Variants in FHIT observed in about 807,000 individuals in gnomAD.
FHIT encodes fragile histidine triad diadenosine triphosphatase.
FHIT carries 19 observed loss-of-function variants against 17.9 expected under a neutral mutation model. The observed-to-expected ratio is 1.06, with a 90% CI of 0.74 to 1.56. The LOEUF is 1.56. Among genes scored for constraint, FHIT ranks in the 40% most tolerant of loss-of-function variants. The probability of loss-of-function intolerance (pLI) is 0.00; values close to 1 mark genes in which losing one functional copy is unlikely to be tolerated. For missense variants in FHIT, 248 were observed against 189.2 expected (o/e 1.31, Z -1.82); for synonymous variants, 81 against 69.7 (o/e 1.16, Z -0.81).
At chr3:60,272,866 C>T (rs1348979341) in intron 5 of FHIT, among the ~76,000 whole-genome samples, 1 of 152,172 alleles carries the variant, frequency 6.6e-6, no homozygotes, top group African/African-American at 2.4e-5. Context: ...GCATCCACTA[C>T]TAACAAAAGC....
rs374248356 is a variant in FHIT, at chr3:60,027,846, G to C, written c.104-13694C>G. ...ACTGCCTATAGAGCAGTGCTGTCTA[G>C]TGGAACTTTCTATATCCTATACTGT... is the stretch of plus-strand genomic sequence containing the variant. On this transcript the variant is annotated intron_variant, in intron 5 of 9. Transcript: ENST00000492590. 5.3e-5 allele frequency among the ~76,000 whole-genome samples: 8 copies of C among 152,154 alleles called. No homozygotes were observed. The South Asian group carries it at 1.7e-3, about 32-fold the overall frequency.
intron 5 of FHIT, among the ~76,000 whole-genome samples, chr3:60,502,003 C>T (rs568871374): frequency 6.6e-6 from 1 of 152,100 alleles, no homozygotes; most frequent in Non-Finnish European, 1.5e-5. Flanking sequence ...ACTGAGAGAC[C>T]GACGAGTAGA....
intron 4 of FHIT, among the ~76,000 whole-genome samples, chr3:60,682,704 CCAA>C (rs2107865752): frequency 6.6e-6 from 1 of 152,252 alleles, no homozygotes; most frequent in South Asian, 2.1e-4. Flanking sequence ...TTCATGCCTG[CCAA>C]CACAGCATCC....
At chr3:60,168,226 C>T (rs1007392279) in intron 5 of FHIT, among the ~76,000 whole-genome samples, 8 of 152,070 alleles carry the variant, frequency 5.3e-5, no homozygotes, top group African/African-American at 1.4e-4. Flanking sequence ...AACAAGAGAC[C>T]GACAGACTTC....
chr3:59,783,362 G>A lies in FHIT; in HGVS notation c.349-31041C>T, dbSNP rs529100416. On this transcript the variant is annotated intron_variant, in intron 8 of 9. Coordinates refer to ENST00000492590, the MANE Select transcript of FHIT (RefSeq NM_002012.4). ...CGCATGCCTGTAGTCTCAGCTACTC[G>A]GGAGGCTGAGGCAGGAGAATCGCTT... Among the ~76,000 whole-genome samples, 119 of 152,186 alleles carry A rather than the reference G, an allele frequency of 7.8e-4. 3 individuals carry two copies. The South Asian group carries it at 0.022, about 29-fold the overall frequency.
At chr3:59,817,756 T>C (rs1366332298) in intron 8 of FHIT, among the ~76,000 whole-genome samples, 4 of 152,132 alleles carry the variant, frequency 2.6e-5, no homozygotes, top group Non-Finnish European at 4.4e-5. Flanking sequence ...TCACAACAGT[T>C]ATCTCTCCAA....
intron 4 of FHIT, among the ~76,000 whole-genome samples, chr3:60,707,842 A>G (rs1553703926): frequency 6.6e-6 from 1 of 152,244 alleles, no homozygotes; most frequent in East Asian, 1.9e-4. Flanking sequence ...ACAGTCCAGC[A>G]AAATTTATCA....
intron 5 of FHIT, among the ~76,000 whole-genome samples, chr3:60,475,810 A>C (rs1194762432): frequency 1.3e-5 from 2 of 152,164 alleles, no homozygotes; most frequent in African/African-American, 4.8e-5. Context: ...ACCTCATGTG[A>C]TGGGTCATAA....
chr3:60,174,002 C>T (rs1701554601), intron 5 of FHIT, among the ~76,000 whole-genome samples: 1 of 146,536 alleles, frequency 6.8e-6, no homozygotes, highest in Non-Finnish European at 1.5e-5. Context: ...CAACCTCCGC[C>T]TCCTGGGTTC....
intron 5 of FHIT, among the ~76,000 whole-genome samples, chr3:60,355,667 T>C (rs1007389099): frequency 2.0e-5 from 3 of 152,160 alleles, no homozygotes; most frequent in African/African-American, 7.2e-5. Flanking sequence ...TATCTACAAA[T>C]AGAACAAATT....
At chr3:60,717,791 T>G (rs1302670995) in intron 4 of FHIT, among the ~76,000 whole-genome samples, 1 of 152,166 alleles carries the variant, frequency 6.6e-6, no homozygotes, top group African/African-American at 2.4e-5. Flanking sequence ...CATCTGTATT[T>G]TCAAGGAACT....
intron 3 of FHIT, among the ~76,000 whole-genome samples, chr3:61,017,016 G>C (rs2032149421): frequency 6.6e-6 from 1 of 151,376 alleles, no homozygotes; most frequent in Non-Finnish European, 1.5e-5. Context: ...GCTGGGCCTG[G>C]TGGCTCACAC....
rs1705261038 is a variant in FHIT, at chr3:60,121,709, A to AACAAAACAAAAACAC, written c.104-107558_104-107557insGTGTTTTTGTTTTGT. Reference sequence around the variant, plus strand: ...AAAAAACAAACAAACAAACAAAACAAACACACACACACACACACACACACA... The same window carrying AACAAAACAAAAACAC: ...AAAAAACAAACAAACAAACAAAACAAACAAAACAAAAACACACACACACACACACACACACACACA... On this transcript the variant is annotated intron_variant, in intron 5 of 9. Coordinates refer to ENST00000492590, the MANE Select transcript of FHIT (RefSeq NM_002012.4). 5.7e-4 allele frequency among the ~76,000 whole-genome samples: 66 copies of AACAAAACAAAAACAC among 116,408 alleles called. 1 individual carries two copies. Among genetic ancestry groups the AACAAAACAAAAACAC allele is most frequent in the African/African-American group, 2.1e-3 (62 of 29,782 alleles). The allele number at this position is 116,408 out of a possible 152,430, so 76.4% of individuals were successfully genotyped here.
At chr3:60,934,709 C>T (rs1708112641) in intron 3 of FHIT, among the ~76,000 whole-genome samples, 1 of 152,150 alleles carries the variant, frequency 6.6e-6, no homozygotes, top group South Asian at 2.1e-4. Flanking sequence ...ATGGGTTGAA[C>T]CCAGACTGTC....
At chr3:60,583,653 G>A (rs185935730) in intron 4 of FHIT, among the ~76,000 whole-genome samples, 9 of 152,060 alleles carry the variant, frequency 5.9e-5, no homozygotes, top group Admixed American at 2.6e-4. Flanking sequence ...TTTAGCTTAT[G>A]AGCCACATAA....
intron 5 of FHIT, among the ~76,000 whole-genome samples, chr3:60,246,269 G>T (rs143865886): frequency 2.6e-5 from 4 of 152,176 alleles, no homozygotes; most frequent in South Asian, 2.1e-4. Context: ...AATATATATA[G>T]AGAGTTATCT....
intron 5 of FHIT, among the ~76,000 whole-genome samples, chr3:60,336,887 A>C (rs999681644): frequency 4.8e-5 from 7 of 146,480 alleles, no homozygotes; most frequent in African/African-American, 1.5e-4. Flanking sequence ...CATTATGTCA[A>C]AGTAAGCAAA....
At chr3:60,571,369 A>T (rs2859794) in intron 4 of FHIT, among the ~76,000 whole-genome samples, 2 of 119,900 alleles carry the variant, frequency 1.7e-5, no homozygotes, top group Non-Finnish European at 3.4e-5. Context: ...AAAAAGAACA[A>T]TGAATGACGT....
At chr3:61,200,230 T>C (rs997145572) in intron 2 of FHIT, among the ~76,000 whole-genome samples, 1 of 152,206 alleles carries the variant, frequency 6.6e-6, no homozygotes, top group African/African-American at 2.4e-5. Context: ...CCAATTGAAA[T>C]GCCACTCTGC....
Sources: allele counts gnomAD v4.1 joint callset (sites outside exome capture counted in the v4.1 genomes callset), GRCh38; gene constraint gnomAD v4.1.1; transcripts MANE v1.5; gene names NCBI Gene and HGNC (gene_info 2026-07-23, HGNC 2026-07-21).